The following NRXN1 variants were observed in gnomAD, a reference collection of about 807,000 sequenced individuals.
NRXN1 encodes the protein neurexin 1.
NRXN1 carries 39 observed loss-of-function variants against 150.9 expected under a neutral mutation model. The observed-to-expected ratio is 0.26, with a 90% CI of 0.20 to 0.34. The LOEUF (loss-of-function observed/expected upper bound fraction) is 0.34. Ranked by LOEUF, NRXN1 falls within the 10% of genes least tolerant of loss-of-function variation. NRXN1 has a pLI of 1.00. For synonymous variants in NRXN1, 924 were observed against 757.0 expected (o/e 1.22, Z -3.62); for missense variants, 1,815 against 1,949.9 (o/e 0.93, Z 1.30).
rs1385815117 is a variant in NRXN1 at position 50,667,761 on chromosome 2, CT to C, written c.833-44147del. On this transcript the variant is annotated intron_variant, in intron 5 of 22. Coordinates refer to ENST00000401669, the MANE Select transcript of NRXN1 (RefSeq NM_001330078.2). ...CACCTATATGTTTCTGTTTTTACCC[CT>C]GGCTTTATATTCCTAAGTATTATTG... 6.6e-5 allele frequency among the ~76,000 whole-genome samples: 10 copies of C among 152,018 alleles called. No individual in the cohort carries two copies. In the South Asian group the frequency reaches 1.9e-3, roughly 28 times the overall value.
chr2:50,905,504 C>A (rs950903647), intron 5 of NRXN1, among the ~76,000 whole-genome samples: 2 of 152,120 alleles, frequency 1.3e-5, no homozygotes, highest in African/African-American at 2.4e-5. Flanking sequence ...GCTACCAATT[C>A]TTTCATTCCA....
At chr2:50,010,544 G>A (rs538563491) in intron 21 of NRXN1, among the ~76,000 whole-genome samples, 2 of 152,202 alleles carry the variant, frequency 1.3e-5, no homozygotes, top group Admixed American at 6.5e-5. Context: ...TCTGACCAAT[G>A]AGCTGATAAT....
intron 17 of NRXN1, among the ~76,000 whole-genome samples, chr2:50,391,876 G>C (rs745751474): frequency 1.3e-5 from 2 of 152,136 alleles, no homozygotes; most frequent in Non-Finnish European, 2.9e-5. Context: ...ACAATTCAGA[G>C]AGGTACATAC....
chr2:50,028,434 A>C (rs980280991), intron 21 of NRXN1, among the ~76,000 whole-genome samples: 2 of 152,228 alleles, frequency 1.3e-5, no homozygotes, highest in Non-Finnish European at 2.9e-5. Flanking sequence ...ACTGACCTTC[A>C]ACAGTCTTGT....
At chr2:50,506,838 A>G in intron 12 of NRXN1, 1 of 524,380 alleles carries the variant, frequency 1.9e-6, no homozygotes, top group Non-Finnish European at 3.4e-6. Flanking sequence ...AAGGAAAATG[A>G]CAACTTTTAC....
At chr2:50,702,268 T>C (rs1026239146) in intron 5 of NRXN1, among the ~76,000 whole-genome samples, 3 of 151,766 alleles carry the variant, frequency 2.0e-5, no homozygotes, top group Non-Finnish European at 2.9e-5. Context: ...CCAGATAACA[T>C]AGATGAGCAT....
intron 8 of NRXN1, among the ~76,000 whole-genome samples, chr2:50,564,540 T>C (rs183307310): frequency 3.9e-5 from 6 of 152,316 alleles, no homozygotes; most frequent in African/African-American, 1.2e-4. Context: ...TTTAAATTTA[T>C]TAAAGGCATA....
intron 5 of NRXN1, among the ~76,000 whole-genome samples, chr2:50,721,303 CAT>C (rs1388734247): frequency 1.3e-5 from 2 of 152,190 alleles, no homozygotes; most frequent in African/African-American, 4.8e-5. Flanking sequence ...AACACTCTTT[CAT>C]ATGTCTGTCC....
At chr2:50,187,797 C>T (rs571519510) in intron 18 of NRXN1, among the ~76,000 whole-genome samples, 35 of 152,196 alleles carry the variant, frequency 2.3e-4, no homozygotes, top group African/African-American at 8.2e-4. Flanking sequence ...AGGTCCTTCA[C>T]ATCCCTTGTA....
chr2:50,111,924 G>A (rs571080067), intron 18 of NRXN1, among the ~76,000 whole-genome samples: 50 of 152,148 alleles, frequency 3.3e-4, no homozygotes, highest in African/African-American at 1.1e-3. Flanking sequence ...AATGCAACGT[G>A]TAAGATGGGT....
intron 2 of NRXN1, among the ~76,000 whole-genome samples, chr2:50,936,853 G>A (rs1427242285): frequency 6.6e-6 from 1 of 152,064 alleles, no homozygotes; most frequent in Non-Finnish European, 1.5e-5. Flanking sequence ...GTATGAAAAC[G>A]TGGGTAGTGT....
At chr2:50,810,455 C>T (rs888426334) in intron 5 of NRXN1, among the ~76,000 whole-genome samples, 1 of 152,100 alleles carries the variant, frequency 6.6e-6, no homozygotes, top group Admixed American at 6.6e-5. Context: ...AGAGCCAACA[C>T]CTGATACTTC....
At chr2:50,531,584 G>T (rs2093114296) in intron 10 of NRXN1, among the ~76,000 whole-genome samples, 154 bp from the exon 11 acceptor site, 2 of 152,076 alleles carry the variant, frequency 1.3e-5, no homozygotes, top group South Asian at 4.1e-4. Flanking sequence ...ACAAAACTGT[G>T]AGCTGGAAAG....
In NRXN1 at chr2:50,028,980, T is replaced by G. The variant is rs76051991; in HGVS notation, c.4128+24291A>C. 7.0e-3 allele frequency among the ~76,000 whole-genome samples: 1,062 copies of G among 152,316 alleles called. 10 individuals carry two copies. Among genetic ancestry groups the G allele is most frequent in the African/African-American group, 0.024 (996 of 41,570 alleles). On this transcript the variant is annotated intron_variant, in intron 21 of 22. Transcript: ENST00000401669. ...GGAGCTTGCAATGCTGTTAGTGAGTTTGATGGTCTGAATGTTTGTGTTTTC... is the reference window on the plus strand; with the variant it reads ...GGAGCTTGCAATGCTGTTAGTGAGTGTGATGGTCTGAATGTTTGTGTTTTC...
intron 1 of NRXN1, among the ~76,000 whole-genome samples, chr2:51,030,721 C>T (rs368821711): frequency 5.3e-5 from 8 of 152,092 alleles, no homozygotes; most frequent in East Asian, 3.9e-4. Context: ...GAAAGAGGCT[C>T]GTCAAATCAT....
At chr2:50,834,851 C>G (rs552798300) in intron 5 of NRXN1, among the ~76,000 whole-genome samples, 8 of 152,092 alleles carry the variant, frequency 5.3e-5, no homozygotes, top group South Asian at 4.1e-4. Context: ...GTCCTTAGTG[C>G]ACGCCTTTAG....
chr2:50,560,754 C>T (rs573920007), intron 8 of NRXN1, among the ~76,000 whole-genome samples: 3 of 152,078 alleles, frequency 2.0e-5, no homozygotes, highest in South Asian at 2.1e-4. Flanking sequence ...AAGAGACATA[C>T]GTAAATAATT....
chr2:50,897,222 G>A (rs2103905059), intron 5 of NRXN1, among the ~76,000 whole-genome samples: 1 of 152,306 alleles, frequency 6.6e-6, no homozygotes, highest in East Asian at 1.9e-4. Flanking sequence ...TGCAGTATAA[G>A]TACCACGTAG....
chr2:50,926,657 G>A (rs886589223), intron 2 of NRXN1, among the ~76,000 whole-genome samples: 11 of 151,876 alleles, frequency 7.2e-5, no homozygotes, highest in Non-Finnish European at 1.5e-4. Flanking sequence ...CTGTCCATAA[G>A]GCAATTTGGT....
Sources: gnomAD v4.1 joint callset for allele counts (sites outside exome capture counted in the v4.1 genomes callset) on GRCh38, gnomAD v4.1.1 for gene constraint, MANE v1.5 for transcripts, NCBI Gene and HGNC (gene_info 2026-07-23, HGNC 2026-07-21) for gene names.